Variants in CHD6 observed in about 807,000 individuals in gnomAD.
CHD6 encodes chromodomain helicase DNA binding protein 6.
A neutral mutation model predicts 276.9 loss-of-function variants in CHD6; 50 were observed. The ratio of observed to expected loss-of-function variants is 0.18; its 90% CI spans 0.14 to 0.23. CHD6 has a LOEUF of 0.23. Among genes scored for constraint, CHD6 ranks in the 10% least tolerant of loss-of-function variants. The probability of loss-of-function intolerance (pLI) is 1.00; values close to 1 mark genes in which losing one functional copy is unlikely to be tolerated. For missense variants in CHD6, 2,564 were observed against 3,365.8 expected, an observed-to-expected ratio of 0.76 and a Z score of 5.89; for synonymous variants, 1,173 against 1,229.3, an observed-to-expected ratio of 0.95 and a Z score of 0.96.
At chr20:41,529,327 C>G (rs758191579) in intron 3 of CHD6, among the ~76,000 whole-genome samples, 1 of 152,124 alleles carries the variant, frequency 6.6e-6, no homozygotes, top group Non-Finnish European at 1.5e-5. Flanking sequence ...GTCACACATA[C>G]CTGAAAACCA....
chr20:41,413,108 A>G (rs1422433288), intron 35 of CHD6, among the ~76,000 whole-genome samples: 1 of 152,220 alleles, frequency 6.6e-6, no homozygotes, highest in Non-Finnish European at 1.5e-5. Flanking sequence ...ACTTTTTGGC[A>G]TAGTATTTTG....
chr20:41,448,076 T>A, intron 23 of CHD6, 105 bp from the exon 24 acceptor site: 1 of 577,364 alleles, frequency 1.7e-6, no homozygotes, highest in Non-Finnish European at 3.0e-6. Flanking sequence ...CCCATGTAGT[T>A]AATATTATGA....
intron 5 of CHD6, among the ~76,000 whole-genome samples, chr20:41,505,460 G>T (rs2043954635): frequency 6.6e-6 from 1 of 152,014 alleles, no homozygotes; most frequent in African/African-American, 2.4e-5. Context: ...AGTCTCTTTT[G>T]TTTGGGCCAA....
chr20:41,509,104 G>T (rs2044049855), intron 5 of CHD6, among the ~76,000 whole-genome samples: 1 of 152,106 alleles, frequency 6.6e-6, no homozygotes, highest in Non-Finnish European at 1.5e-5. Context: ...CTGATTAGGG[G>T]AACAATCAGG....
Position 41,473,431 on chromosome 20 carries a change from C to T in CHD6, c.2555G>A (p.Arg852His). The T allele has an allele frequency of 3.7e-6, 6 of 1,614,106 alleles. No individual in the cohort carries two copies. The highest frequency in any genetic ancestry group is 5.1e-6 in the Non-Finnish European group (6 of 1,179,996). The change falls in exon 17 of 37, where the codon CGC becomes CAC. Residue 852 changes from arginine (R) to histidine (H), a missense_variant. Arg to His is a conservative substitution (Grantham distance 29, BLOSUM62 0). Around this residue, in one of 7 missense-constraint regions of CHD6, gnomAD observed 457 missense variants for 889.0 expected, o/e 0.51. Coordinates refer to ENST00000373233, the MANE Select transcript of CHD6 (RefSeq NM_032221.5). This position sits in a 1 kb window ranked among gnomAD's most constrained non-coding sequence, Gnocchi z 4.1. ...IDRFCKPDSDRFVFLLCTRAG... is the reference protein window; with the variant it reads ...IDRFCKPDSDHFVFLLCTRAG... ...TCTGGTGCACAGAAGAAAGACAAAG[C>T]GGTCTGAATCTGGCTTACAGAACCG...
chr20:41,488,243 T>A (rs117019190), intron 13 of CHD6, among the ~76,000 whole-genome samples, 185 bp downstream of exon 13: 1 of 152,202 alleles, frequency 6.6e-6, no homozygotes, highest in South Asian at 2.1e-4. Flanking sequence ...AAAGGTCAAA[T>A]TGTTGACCCA....
At chr20:41,417,067 A>G (rs2047022111) in intron 32 of CHD6, 131 bp downstream of exon 32, 2 of 857,858 alleles carry the variant, frequency 2.3e-6, no homozygotes, top group Admixed American at 5.6e-5. Flanking sequence ...ATGCTACATA[A>G]CTAATATCTT....
chr20:41,469,169 C>T (rs1178009815), intron 17 of CHD6, among the ~76,000 whole-genome samples: 1 of 152,132 alleles, frequency 6.6e-6, no homozygotes, highest in Non-Finnish European at 1.5e-5. Flanking sequence ...AACTGACTTC[C>T]AAAATCCTGC....
At chr20:41,467,579 A>AG (rs895349411) in intron 17 of CHD6, among the ~76,000 whole-genome samples, 3 of 150,070 alleles carry the variant, frequency 2.0e-5, no homozygotes, top group African/African-American at 7.3e-5. Context: ...AAAAAAAAAA[A>AG]AAAAAAAGGC....
At chr20:41,479,578 A>G (rs1176703360) in intron 16 of CHD6, among the ~76,000 whole-genome samples, 2 of 152,168 alleles carry the variant, frequency 1.3e-5, no homozygotes, top group African/African-American at 4.8e-5. Context: ...TGAAAGACAG[A>G]TACAAACAAA....
chr20:41,589,946 G>A (rs1012179065), intron 1 of CHD6, among the ~76,000 whole-genome samples: 1 of 152,094 alleles, frequency 6.6e-6, no homozygotes, highest in African/African-American at 2.4e-5. Flanking sequence ...GAGGCATCAC[G>A]CTACCTGACT....
intron 17 of CHD6, among the ~76,000 whole-genome samples, chr20:41,460,758 G>C (rs2048521287): frequency 1.3e-5 from 2 of 152,250 alleles, no homozygotes; most frequent in Admixed American, 1.3e-4. Flanking sequence ...GAGCAGTGCG[G>C]AAGGGAAATG....
Position 41,421,490 on chromosome 20 carries a change from T to C in CHD6, c.5145A>G (p.Gln1715=), listed in dbSNP as rs1389949469. Residue 1715 remains glutamine, a synonymous_variant, in exon 31 of 37, where the codon CAA becomes CAG. Transcript: ENST00000373233. ...SMMYGKKVLS[Q]EPSSFQESPS... is the part of the protein sequence containing the mutation. Reference sequence around the variant, plus strand: ...GGCTCTCCTGAAAAGAGCTTGGTTCTTGGCTGAGCACCTTCTTACCATACA... The same window carrying C: ...GGCTCTCCTGAAAAGAGCTTGGTTCCTGGCTGAGCACCTTCTTACCATACA... The C allele has an allele frequency of 6.2e-7, 1 of 1,613,644 alleles. No individual in the cohort carries two copies. The highest frequency in any genetic ancestry group is 1.1e-5 in the South Asian group (1 of 90,894).
intron 24 of CHD6, 30 bp downstream of exon 24, chr20:41,447,852 C>T (rs377448747): frequency 2.8e-5 from 42 of 1,506,232 alleles, no homozygotes; most frequent in Middle Eastern, 1.7e-4. Flanking sequence ...AATTCTTTAA[C>T]GTTGATATGT....
At chr20:41,608,607 G>A (rs183834684) in intron 1 of CHD6, among the ~76,000 whole-genome samples, 1 of 152,126 alleles carries the variant, frequency 6.6e-6, no homozygotes, top group Non-Finnish European at 1.5e-5. Context: ...TTCTAATCAA[G>A]GCTTGACCAC....
At chr20:41,440,568 G>A (rs1185275130) in intron 25 of CHD6, among the ~76,000 whole-genome samples, 2 of 152,150 alleles carry the variant, frequency 1.3e-5, no homozygotes, top group Admixed American at 6.5e-5. Flanking sequence ...AGAGAACTAC[G>A]ATGATTGTTT....
At chr20:41,560,989 AG>A (rs1397918884) in intron 1 of CHD6, among the ~76,000 whole-genome samples, 1 of 152,154 alleles carries the variant, frequency 6.6e-6, no homozygotes, top group Non-Finnish European at 1.5e-5. Flanking sequence ...TTTCGATTTT[AG>A]GCATTATTTT....
intron 2 of CHD6, among the ~76,000 whole-genome samples, chr20:41,549,539 T>C (rs2045111925): frequency 7.0e-6 from 1 of 143,050 alleles, no homozygotes; most frequent in African/African-American, 2.7e-5. Flanking sequence ...ATATACCTAA[T>C]GCTAAATGAT....
intron 5 of CHD6, among the ~76,000 whole-genome samples, chr20:41,504,031 T>C (rs567856302): frequency 4.4e-5 from 6 of 136,254 alleles, no homozygotes; most frequent in African/African-American, 1.8e-4. Flanking sequence ...TGAGCTGAGA[T>C]TGCGCCACTG....
Sources: allele counts gnomAD v4.1 joint callset (sites outside exome capture counted in the v4.1 genomes callset), GRCh38; gene constraint gnomAD v4.1.1; regional missense constraint gnomAD v4.1.1; non-coding constraint Gnocchi (gnomAD v3.1); transcripts MANE v1.5; gene names NCBI Gene and HGNC (gene_info 2026-07-23, HGNC 2026-07-21).